Variants in CDKAL1 observed in about 807,000 individuals in gnomAD.
CDKAL1 encodes the protein threonylcarbamoyladenosine tRNA methylthiotransferase.
Under a neutral mutation model 68.2 loss-of-function variants are expected in CDKAL1, and 32 were observed. The ratio of observed to expected loss-of-function variants is 0.47; its 90% confidence interval spans 0.35 to 0.63. The LOEUF is 0.63. Ranked by LOEUF, CDKAL1 falls within the 30% of genes least tolerant of loss-of-function variation. CDKAL1 has a pLI of 0.00. For synonymous variants in CDKAL1, 234 were observed against 244.3 expected (o/e 0.96, Z 0.39); for missense variants, 606 against 696.7 (o/e 0.87, Z 1.47).
chr6:20,603,870 G>A (rs188104458), intron 4 of CDKAL1, among the ~76,000 whole-genome samples: 2 of 134,002 alleles, frequency 1.5e-5, no homozygotes, highest in Admixed American at 9.2e-5. Flanking sequence ...TCCACCTCCC[G>A]GGTTCAAGCG....
chr6:20,576,415 G>T (rs943744246), intron 4 of CDKAL1, among the ~76,000 whole-genome samples: 1 of 152,122 alleles, frequency 6.6e-6, no homozygotes, highest in Non-Finnish European at 1.5e-5. Context: ...TCCTGGATAT[G>T]GAATAGGAGA....
At chr6:20,639,048 A>T (rs750841287) in intron 4 of CDKAL1, among the ~76,000 whole-genome samples, 20 of 152,210 alleles carry the variant, frequency 1.3e-4, no homozygotes, top group Non-Finnish European at 2.6e-4. Flanking sequence ...CATGGTAAGT[A>T]CAACGTCTGT....
intron 8 of CDKAL1, among the ~76,000 whole-genome samples, chr6:20,807,255 CT>C (rs1561793848): frequency 6.6e-6 from 1 of 151,582 alleles, no homozygotes; most frequent in Non-Finnish European, 1.5e-5. Context: ...CGGAGTCTCG[CT>C]GTGTTGCCCC....
At chr6:20,785,546 T>C (rs1439168076) in intron 8 of CDKAL1, among the ~76,000 whole-genome samples, 2 of 152,006 alleles carry the variant, frequency 1.3e-5, no homozygotes, top group Non-Finnish European at 2.9e-5. Context: ...CTCCTGACTT[T>C]GTGATCCACC....
At chr6:20,601,753 C>G (rs1766106191) in intron 4 of CDKAL1, among the ~76,000 whole-genome samples, 1 of 152,088 alleles carries the variant, frequency 6.6e-6, no homozygotes, top group South Asian at 2.1e-4. Context: ...TGTTTTATAG[C>G]TAAAATAACC....
At chr6:20,600,644 A>C (rs947905273) in intron 4 of CDKAL1, among the ~76,000 whole-genome samples, 6 of 151,634 alleles carry the variant, frequency 4.0e-5, no homozygotes, top group Admixed American at 2.6e-4. Flanking sequence ...CTTTTAAAAT[A>C]AGATTTTAAA....
intron 12 of CDKAL1, among the ~76,000 whole-genome samples, chr6:21,098,165 C>T (rs1335532654): frequency 3.3e-5 from 5 of 152,008 alleles, no homozygotes; most frequent in Non-Finnish European, 5.9e-5. Context: ...TTTTAGAGCT[C>T]GGCGAATGGA....
At chr6:20,891,132 C>G (rs1033287426) in intron 9 of CDKAL1, among the ~76,000 whole-genome samples, 5 of 152,164 alleles carry the variant, frequency 3.3e-5, no homozygotes, top group East Asian at 1.9e-4. Flanking sequence ...CTTGGCTTAA[C>G]CAGTGATTTA....
At chr6:20,796,312 T>C (rs1311311352) in intron 8 of CDKAL1, among the ~76,000 whole-genome samples, 3 of 152,224 alleles carry the variant, frequency 2.0e-5, no homozygotes, top group Non-Finnish European at 2.9e-5. Context: ...ATAGGATATG[T>C]ATATGGAAAT....
At chr6:20,864,214 T>C (rs1172824924) in intron 9 of CDKAL1, among the ~76,000 whole-genome samples, 1 of 49,388 alleles carries the variant, frequency 2.0e-5, no homozygotes, top group Non-Finnish European at 3.8e-5. Flanking sequence ...ATCTGTAATG[T>C]TTTTACTTAA....
At chr6:20,815,005 C>T (rs1054003569) in intron 8 of CDKAL1, among the ~76,000 whole-genome samples, 1 of 152,214 alleles carries the variant, frequency 6.6e-6, no homozygotes, top group Non-Finnish European at 1.5e-5. Flanking sequence ...CTCATCTTGT[C>T]TGTTTTCCTC....
chr6:20,898,566 G>A (rs1267505398), intron 9 of CDKAL1, among the ~76,000 whole-genome samples: 2 of 151,620 alleles, frequency 1.3e-5, no homozygotes, highest in Non-Finnish European at 2.9e-5. Flanking sequence ...CTTGACTATT[G>A]ATGGTAACTA....
At chr6:21,116,172 A>G (rs1211049588) in intron 13 of CDKAL1, among the ~76,000 whole-genome samples, 1 of 152,170 alleles carries the variant, frequency 6.6e-6, no homozygotes. Context: ...GATTTTTTAC[A>G]TATCAGTTTA....
chr6:20,935,332 A>C (rs1183765378), intron 9 of CDKAL1, among the ~76,000 whole-genome samples: 1 of 152,200 alleles, frequency 6.6e-6, no homozygotes, highest in African/African-American at 2.4e-5. Context: ...ACTAAGGCTG[A>C]ATTGTAATAT....
At chr6:20,899,561 T>C (rs1761865129) in intron 9 of CDKAL1, among the ~76,000 whole-genome samples, 2 of 152,164 alleles carry the variant, frequency 1.3e-5, no homozygotes, top group Non-Finnish European at 1.5e-5. Context: ...TTTTATTCTC[T>C]GGTTGGGTGT....
At chr6:20,688,367 T>A (rs1221347041) in intron 5 of CDKAL1, among the ~76,000 whole-genome samples, 3 of 152,154 alleles carry the variant, frequency 2.0e-5, no homozygotes, top group Non-Finnish European at 1.5e-5. Context: ...ATCACATGTA[T>A]GTTACACCTT....
chr6:21,195,693 T>C (rs1582397281), intron 13 of CDKAL1, among the ~76,000 whole-genome samples: 1 of 151,050 alleles, frequency 6.6e-6, no homozygotes, highest in Non-Finnish European at 1.5e-5. Flanking sequence ...GTATTTTTTA[T>C]AGAGACGGGG....
At chr6:20,684,801 C>T (rs1478521473) in intron 5 of CDKAL1, among the ~76,000 whole-genome samples, 6 of 152,204 alleles carry the variant, frequency 3.9e-5, no homozygotes, top group African/African-American at 1.2e-4. Context: ...GCTTATTTAC[C>T]GTTTGCATGT....
intron 13 of CDKAL1, among the ~76,000 whole-genome samples, chr6:21,114,647 T>A (rs1383053847): frequency 6.6e-6 from 1 of 151,930 alleles, no homozygotes; most frequent in African/African-American, 2.4e-5. Flanking sequence ...AACAAGAGGA[T>A]CAGATGGCTT....
Sources: gnomAD v4.1 joint callset for allele counts (sites outside exome capture counted in the v4.1 genomes callset) on GRCh38, gnomAD v4.1.1 for gene constraint, MANE v1.5 for transcripts, NCBI Gene and HGNC (gene_info 2026-07-23, HGNC 2026-07-21) for gene names.